Variants in UGGT2 observed in about 807,000 individuals in gnomAD.
UGGT2 encodes UDP-glucose glycoprotein glucosyltransferase 2.
A neutral mutation model predicts 192.1 loss-of-function variants in UGGT2; 180 were observed. The ratio of observed to expected loss-of-function variants is 0.94; its 90% CI spans 0.83 to 1.06. The LOEUF is 1.06. Among genes scored for constraint, UGGT2 ranks in the 50% least tolerant of loss-of-function variants. The pLI, the probability that UGGT2 is intolerant of heterozygous loss-of-function variation, is 0.00. For missense variants in UGGT2, 1,849 were observed against 1,795.7 expected (o/e 1.03, Z -0.54); for synonymous variants, 580 against 591.0 (o/e 0.98, Z 0.27).
Position 95,857,496 on chromosome 13 carries a change from ATTATGTG to A in UGGT2, c.3826-1163_3826-1157del, listed in dbSNP as rs1889730098. ...GTTTGTATAGTGCTGTCAGAAAATA[ATTATGTG>A]TAAGTATGTATAATTTTAGCAAATA... On this transcript the variant is annotated intron_variant, in intron 33 of 38. Coordinates refer to ENST00000376747, the MANE Select transcript of UGGT2 (RefSeq NM_020121.4). Among the ~76,000 whole-genome samples, 3 of 152,264 alleles carry A rather than the reference ATTATGTG, an allele frequency of 2.0e-5. No homozygotes were observed. In the South Asian group the frequency reaches 6.2e-4, roughly 32 times the overall value.
In UGGT2 at chr13:95,927,235, G is replaced by C. The variant is rs747753592; in HGVS notation, c.2079C>G (p.Tyr693Ter). The change falls in exon 18 of 39, where the codon TAC becomes TAG. Residue 693 changes from tyrosine to a stop codon, truncating the protein, a stop_gained. Coordinates refer to ENST00000376747, the MANE Select transcript of UGGT2 (RefSeq NM_020121.4). LOFTEE classifies it high-confidence loss of function. ...NTLILRTNQQYLNLISTSVTA... is the reference protein window; with the variant it reads ...NTLILRTNQQ ...TACCTGATGTAGATATTAAATTGAGGTACTGCTGGTTAGTACGCAAAATCA... is the reference window on the plus strand; with the variant it reads ...TACCTGATGTAGATATTAAATTGAGCTACTGCTGGTTAGTACGCAAAATCA... The C allele has an allele frequency of 3.1e-6, 5 of 1,611,728 alleles. No homozygotes were observed. In the East Asian group the frequency reaches 8.9e-5, roughly 29 times the overall value.
At chr13:95,943,304 G>A (rs1217269826) in intron 15 of UGGT2, among the ~76,000 whole-genome samples, 1 of 151,968 alleles carries the variant, frequency 6.6e-6, no homozygotes. Flanking sequence ...TAATTATGAA[G>A]TGAAATATTT....
At chr13:95,936,572 C>A (rs2049471517) in intron 17 of UGGT2, among the ~76,000 whole-genome samples, 1 of 152,246 alleles carries the variant, frequency 6.6e-6, no homozygotes, top group Non-Finnish European at 1.5e-5. Flanking sequence ...ATACAGTGGG[C>A]AACCACCAGG....
intron 34 of UGGT2, 96 bp downstream of exon 34, chr13:95,856,062 G>A: frequency 4.9e-6 from 5 of 1,029,334 alleles, no homozygotes; most frequent in Non-Finnish European, 6.9e-6. Context: ...CCGTAATGAA[G>A]ATAATAAACA....
intron 12 of UGGT2, among the ~76,000 whole-genome samples, chr13:95,950,460 G>T (rs1052825862): frequency 6.6e-6 from 1 of 151,488 alleles, no homozygotes; most frequent in Admixed American, 6.6e-5. Flanking sequence ...ACAGAAGCAA[G>T]TGAGCATCTG....
chr13:96,039,779 T>C (rs1249343886), intron 1 of UGGT2, among the ~76,000 whole-genome samples: 2 of 152,212 alleles, frequency 1.3e-5, no homozygotes, highest in South Asian at 2.1e-4. Flanking sequence ...CCACAAACTG[T>C]AGAAACCAAG....
At chr13:96,037,237 C>T (rs955857742) in intron 1 of UGGT2, among the ~76,000 whole-genome samples, 1 of 152,204 alleles carries the variant, frequency 6.6e-6, no homozygotes, top group Non-Finnish European at 1.5e-5. Flanking sequence ...CTTGCTCTGT[C>T]GCCCAGGCTG....
intron 20 of UGGT2, among the ~76,000 whole-genome samples, chr13:95,916,924 G>C (rs965183778): frequency 1.3e-5 from 2 of 151,614 alleles, no homozygotes; most frequent in African/African-American, 4.9e-5. Context: ...GTGACTGATG[G>C]GGTACCTGAA....
At chr13:95,948,510 AT>A (rs1159933613) in intron 13 of UGGT2, among the ~76,000 whole-genome samples, 1 of 152,216 alleles carries the variant, frequency 6.6e-6, no homozygotes, top group Non-Finnish European at 1.5e-5. Context: ...GCTGCAAAAA[AT>A]ATCTTATTCA....
intron 36 of UGGT2, among the ~76,000 whole-genome samples, chr13:95,849,933 T>G (rs1888866889): frequency 6.6e-6 from 1 of 150,822 alleles, no homozygotes; most frequent in Non-Finnish European, 1.5e-5. Flanking sequence ...TTTGTTTTTT[T>G]TTTTGGTCAT....
At chr13:95,929,635 G>C (rs9561988) in intron 17 of UGGT2, among the ~76,000 whole-genome samples, 58,866 of 151,956 alleles carry the variant, frequency 0.39, 11,585 homozygotes, top group Middle Eastern at 0.42. Context: ...TTTTTAATGG[G>C]TGCGTAGTAT....
chr13:95,949,539 T>C, intron 12 of UGGT2, 85 bp from the exon 13 acceptor site: 1 of 1,247,444 alleles, frequency 8.0e-7, no homozygotes, highest in Middle Eastern at 3.1e-4. Context: ...TCGTGATAAA[T>C]AAAAATATAC....
intron 36 of UGGT2, among the ~76,000 whole-genome samples, chr13:95,849,496 T>C (rs557970557): frequency 2.0e-5 from 3 of 147,128 alleles, no homozygotes; most frequent in South Asian, 2.1e-4. Context: ...TGAGCCAAGA[T>C]AGTGCCATTG....
intron 6 of UGGT2, among the ~76,000 whole-genome samples, chr13:95,996,654 A>C (rs1347807294): frequency 1.3e-5 from 2 of 152,178 alleles, no homozygotes; most frequent in Non-Finnish European, 2.9e-5. Flanking sequence ...TTAAATACTT[A>C]GCAACTATAA....
chr13:95,835,906 C>G (rs1445001527), intron 37 of UGGT2, among the ~76,000 whole-genome samples: 1 of 152,048 alleles, frequency 6.6e-6, no homozygotes, highest in Non-Finnish European at 1.5e-5. Flanking sequence ...AAGAAAAAAG[C>G]ATGTATGATA....
At chr13:95,881,927 T>TA (rs2047506841) in intron 27 of UGGT2, among the ~76,000 whole-genome samples, 1 of 151,686 alleles carries the variant, frequency 6.6e-6, no homozygotes, top group Non-Finnish European at 1.5e-5. Context: ...TTTTTTTTTT[T>TA]AGACAGAATC....
chr13:95,803,000 AT>A (rs1479392223), intron 38 of UGGT2, among the ~76,000 whole-genome samples: 1 of 150,160 alleles, frequency 6.7e-6, no homozygotes, highest in Non-Finnish European at 1.5e-5. Context: ...CGCCCGGCTA[AT>A]TTTTTTGTAT....
chr13:95,917,576 T>C (rs2048718644), intron 20 of UGGT2, among the ~76,000 whole-genome samples: 1 of 152,098 alleles, frequency 6.6e-6, no homozygotes, highest in Non-Finnish European at 1.5e-5. Flanking sequence ...TAACCTTAAA[T>C]GCAAATGGGT....
At chr13:96,026,603 AT>A (rs1283740735) in intron 2 of UGGT2, among the ~76,000 whole-genome samples, 1 of 150,730 alleles carries the variant, frequency 6.6e-6, no homozygotes, top group Non-Finnish European at 1.5e-5. Context: ...TATTTTCCTA[AT>A]CCAGTTGCTT....
Sources: gnomAD v4.1 joint callset for allele counts (sites outside exome capture counted in the v4.1 genomes callset) on GRCh38, gnomAD v4.1.1 for gene constraint, MANE v1.5 for transcripts, NCBI Gene and HGNC (gene_info 2026-07-23, HGNC 2026-07-21) for gene names.